ERC2: variants seen among roughly 807,000 people sequenced by gnomAD.
The protein encoded by ERC2 is ERC protein 2.
Under a neutral mutation model 114.8 loss-of-function variants are expected in ERC2, and 42 were observed. That is an observed-to-expected ratio of 0.37 (90% confidence interval 0.29 to 0.47). The LOEUF (loss-of-function observed/expected upper bound fraction) is 0.47. Ranked by LOEUF, ERC2 falls within the 20% of genes least tolerant of loss-of-function variation. The probability of loss-of-function intolerance (pLI) is 0.99; values close to 1 mark genes in which losing one functional copy is unlikely to be tolerated. For synonymous variants in ERC2, 454 were observed against 425.5 expected (o/e 1.07, Z -0.82); for missense variants, 939 against 1,150.7 (o/e 0.82, Z 2.66).
chr3:56,385,178 T>C (rs571130206), intron 2 of ERC2, among the ~76,000 whole-genome samples: 2 of 152,012 alleles, frequency 1.3e-5, no homozygotes, highest in South Asian at 4.1e-4. Flanking sequence ...TTATTTCTTA[T>C]AGTTCTGGAA....
At chr3:55,805,578 C>A (rs552349166) in intron 14 of ERC2, among the ~76,000 whole-genome samples, 1 of 151,894 alleles carries the variant, frequency 6.6e-6, no homozygotes, top group South Asian at 2.1e-4. Flanking sequence ...TTGGATATCA[C>A]TTGGCATTGC....
chr3:55,644,317 C>T (rs748365326), intron 17 of ERC2, among the ~76,000 whole-genome samples: 27 of 152,114 alleles, frequency 1.8e-4, no homozygotes, highest in Admixed American at 3.3e-4. Context: ...CACAAACAAG[C>T]ATTTCTATGG....
At chr3:56,048,527 G>A (rs1331002229) in intron 7 of ERC2, among the ~76,000 whole-genome samples, 1 of 151,992 alleles carries the variant, frequency 6.6e-6, no homozygotes, top group Non-Finnish European at 1.5e-5. Context: ...ACTTCAAACT[G>A]GTCTGACTAC....
intron 3 of ERC2, among the ~76,000 whole-genome samples, chr3:56,269,049 T>G (rs2053497691): frequency 6.6e-6 from 1 of 152,130 alleles, no homozygotes; most frequent in Non-Finnish European, 1.5e-5. Context: ...GAAAAAAAAT[T>G]TCAGATCCAT....
chr3:56,379,854 G>A (rs1301979382), intron 2 of ERC2, among the ~76,000 whole-genome samples: 2 of 152,146 alleles, frequency 1.3e-5, no homozygotes, highest in Admixed American at 6.6e-5. Context: ...CTAAAATTTT[G>A]TGTCAACAAC....
At chr3:55,973,327 A>G (rs567045181) in intron 12 of ERC2, among the ~76,000 whole-genome samples, 1 of 152,332 alleles carries the variant, frequency 6.6e-6, no homozygotes, top group South Asian at 2.1e-4. Flanking sequence ...ATCTTAGATA[A>G]ACAGGTGAAC....
chr3:55,844,763 G>A (rs2061279239), intron 14 of ERC2, among the ~76,000 whole-genome samples: 2 of 152,140 alleles, frequency 1.3e-5, no homozygotes, highest in Admixed American at 6.5e-5. Context: ...ATAAAAGTGT[G>A]AAAAGATTGC....
At chr3:55,704,435 A>C (rs1026511161) in intron 15 of ERC2, among the ~76,000 whole-genome samples, 2 of 152,246 alleles carry the variant, frequency 1.3e-5, no homozygotes, top group South Asian at 4.1e-4. Context: ...AATACTGTAC[A>C]ATAGCAATTA....
At chr3:55,691,755 C>A (rs1470627061) in intron 16 of ERC2, among the ~76,000 whole-genome samples, 1 of 151,304 alleles carries the variant, frequency 6.6e-6, no homozygotes, top group Non-Finnish European at 1.5e-5. Context: ...CTTTAGTAAG[C>A]CCTGATATAC....
intron 17 of ERC2, among the ~76,000 whole-genome samples, chr3:55,631,254 G>C (rs1248290307): frequency 6.6e-6 from 1 of 152,150 alleles, no homozygotes; most frequent in Non-Finnish European, 1.5e-5. Context: ...GCTTGTACCA[G>C]GGACACAATG....
intron 2 of ERC2, among the ~76,000 whole-genome samples, chr3:56,312,805 A>G (rs2150399810): frequency 6.6e-6 from 1 of 151,538 alleles, no homozygotes; most frequent in Non-Finnish European, 1.5e-5. Context: ...TGAATAATGT[A>G]CAGAAAAAAA....
At chr3:56,077,729 A>G (rs901619173) in intron 7 of ERC2, among the ~76,000 whole-genome samples, 3 of 152,224 alleles carry the variant, frequency 2.0e-5, no homozygotes, top group Non-Finnish European at 4.4e-5. Flanking sequence ...TGAAATTAAA[A>G]AAAGGCTTAT....
At chr3:55,715,159 GGCA>G (rs2064038387) in intron 15 of ERC2, among the ~76,000 whole-genome samples, 1 of 152,112 alleles carries the variant, frequency 6.6e-6, no homozygotes. Context: ...TGCAATGACA[GGCA>G]TGGTTGTGTC....
intron 17 of ERC2, among the ~76,000 whole-genome samples, chr3:55,656,692 G>T (rs2060883339): frequency 6.6e-6 from 1 of 152,200 alleles, no homozygotes; most frequent in African/African-American, 2.4e-5. Context: ...GACCAACTCA[G>T]TCTCTTCTTG....
intron 15 of ERC2, among the ~76,000 whole-genome samples, chr3:55,710,576 A>G (rs1304509169): frequency 1.3e-5 from 2 of 152,208 alleles, no homozygotes; most frequent in Non-Finnish European, 2.9e-5. Context: ...TTAAGGTGGA[A>G]TCCAAAAAGC....
At chr3:55,978,156 C>T (rs927375839) in intron 12 of ERC2, among the ~76,000 whole-genome samples, 1 of 152,138 alleles carries the variant, frequency 6.6e-6, no homozygotes, top group Non-Finnish European at 1.5e-5. Context: ...CACTTAAATA[C>T]TTGGCCCATC....
chr3:56,016,362 T>C (rs2073305595), intron 8 of ERC2, among the ~76,000 whole-genome samples: 1 of 151,972 alleles, frequency 6.6e-6, no homozygotes, highest in African/African-American at 2.4e-5. Flanking sequence ...AATCTCACAA[T>C]TTTTAATAGG....
intron 13 of ERC2, among the ~76,000 whole-genome samples, chr3:55,923,830 C>T (rs1336385784): frequency 6.6e-6 from 1 of 152,094 alleles, no homozygotes; most frequent in Non-Finnish European, 1.5e-5. Flanking sequence ...CATCACTAAT[C>T]GATTACAGCA....
At chr3:55,806,639 A>G (rs555597975) in intron 14 of ERC2, among the ~76,000 whole-genome samples, 1 of 152,290 alleles carries the variant, frequency 6.6e-6, no homozygotes, top group African/African-American at 2.4e-5. Flanking sequence ...CAATGGGCAG[A>G]GGCCAGGGAT....
Sources: allele counts gnomAD v4.1 joint callset (sites outside exome capture counted in the v4.1 genomes callset), GRCh38; gene constraint gnomAD v4.1.1; transcripts MANE v1.5; gene names NCBI Gene and HGNC (gene_info 2026-07-23, HGNC 2026-07-21).